CSMD1: variants seen among roughly 807,000 people sequenced by gnomAD.
CSMD1 encodes the protein CUB and sushi domain-containing protein 1.
CSMD1 carries 213 observed loss-of-function variants against 417.5 expected under a neutral mutation model. The ratio of observed to expected loss-of-function variants is 0.51; its 90% CI spans 0.46 to 0.57. The LOEUF is 0.57. Among genes scored for constraint, CSMD1 ranks in the 20% least tolerant of loss-of-function variants. The pLI, the probability that CSMD1 is intolerant of heterozygous loss-of-function variation, is 0.00. For missense variants in CSMD1, 6,923 were observed against 4,529.7 expected, an observed-to-expected ratio of 1.53 and a Z score of -15.17; for synonymous variants, 2,862 against 1,736.8, an observed-to-expected ratio of 1.65 and a Z score of -16.11.
intron 3 of CSMD1, among the ~76,000 whole-genome samples, chr8:4,041,586 G>A (rs1035209039): frequency 2.6e-5 from 4 of 151,952 alleles, no homozygotes; most frequent in African/African-American, 9.7e-5. Flanking sequence ...ACAGTCTCTG[G>A]CATCCAATCA....
At chr8:3,755,231 C>G (rs1797592085) in intron 5 of CSMD1, among the ~76,000 whole-genome samples, 1 of 152,184 alleles carries the variant, frequency 6.6e-6, no homozygotes, top group South Asian at 2.1e-4. Context: ...TGCGTGCTGG[C>G]TCGACTTTGT....
At chr8:4,159,640 G>C (rs1584931561) in intron 3 of CSMD1, among the ~76,000 whole-genome samples, 1 of 152,296 alleles carries the variant, frequency 6.6e-6, no homozygotes, top group East Asian at 1.9e-4. Context: ...CCAGGCTGGA[G>C]CACAGTGGCG....
At chr8:4,043,678 T>G (rs573825325) in intron 3 of CSMD1, among the ~76,000 whole-genome samples, 2 of 152,188 alleles carry the variant, frequency 1.3e-5, no homozygotes, top group Non-Finnish European at 2.9e-5. Flanking sequence ...AACCATACAT[T>G]TATTTCAGTG....
At chr8:3,771,969 A>G (rs577824767) in intron 5 of CSMD1, among the ~76,000 whole-genome samples, 351 of 152,110 alleles carry the variant, frequency 2.3e-3, no homozygotes, top group African/African-American at 8.2e-3. Context: ...TTCAGCAATT[A>G]CAGCATTTAT....
chr8:3,248,543 T>TTC, intron 26 of CSMD1, among the ~76,000 whole-genome samples: 1 of 146,036 alleles, frequency 6.8e-6, no homozygotes, highest in African/African-American at 2.5e-5. Flanking sequence ...TTTTTTTTTT[T>TTC]TTTTGAGACG....
intron 5 of CSMD1, among the ~76,000 whole-genome samples, chr8:3,830,308 C>A (rs1012915437): frequency 1.3e-5 from 2 of 152,182 alleles, no homozygotes; most frequent in Admixed American, 6.5e-5. Context: ...GCAAACTAAG[C>A]GTCAGCCTTC....
chr8:4,677,131 T>A (rs1324704132), intron 1 of CSMD1, among the ~76,000 whole-genome samples: 1 of 147,842 alleles, frequency 6.8e-6, no homozygotes, highest in African/African-American at 2.5e-5. Flanking sequence ...ATATATATGA[T>A]ACATAAAATA....
Position 3,029,446 on chromosome 8 carries a change from G to A in CSMD1, c.7728C>T (p.Ser2576=), listed in dbSNP as rs140788115. 6.2e-7 allele frequency: 1 copy of A among 1,609,356 alleles called. No individual in the cohort carries two copies. Among genetic ancestry groups the A allele is most frequent in the Non-Finnish European group, 8.5e-7 (1 of 1,178,072 alleles). Residue 2576 remains serine (S), a synonymous_variant, in exon 51 of 70, where the codon TCC becomes TCT. Transcript: ENST00000635120. Reference sequence around the variant, plus strand: ...ATACTTGAGCACCGTACTCATTCAAGGATCCTGAAACCAGCCTCCAGATGA... The same window carrying A: ...ATACTTGAGCACCGTACTCATTCAAAGATCCTGAAACCAGCCTCCAGATGA... ...EHVIWRLVSG[S]LNEYGAQVLL... is the part of the protein sequence containing the mutation.
intron 4 of CSMD1, among the ~76,000 whole-genome samples, chr8:4,002,599 C>G (rs1191196678): frequency 6.6e-6 from 1 of 152,154 alleles, no homozygotes; most frequent in Admixed American, 6.5e-5. Context: ...AACTTATCTT[C>G]CAGTTTAGCT....
intron 3 of CSMD1, among the ~76,000 whole-genome samples, chr8:4,301,215 A>C (rs755876294): frequency 2.0e-5 from 3 of 152,138 alleles, no homozygotes. Flanking sequence ...ACTTTTGGCT[A>C]GTTTGTCAAA....
At chr8:4,371,826 A>C (rs1234900731) in intron 3 of CSMD1, among the ~76,000 whole-genome samples, 1 of 152,196 alleles carries the variant, frequency 6.6e-6, no homozygotes, top group South Asian at 2.1e-4. Flanking sequence ...GTAGTGGAGG[A>C]ACAGGGTCAA....
chr8:4,072,924 C>T (rs141180370), intron 3 of CSMD1, among the ~76,000 whole-genome samples: 92 of 152,246 alleles, frequency 6.0e-4, no homozygotes, highest in Non-Finnish European at 1.1e-3. Context: ...TGGATATTAC[C>T]ACTTAGAACA....
At chr8:3,800,498 A>T (rs1800396018) in intron 5 of CSMD1, among the ~76,000 whole-genome samples, 1 of 152,162 alleles carries the variant, frequency 6.6e-6, no homozygotes, top group African/African-American at 2.4e-5. Context: ...TTGGATCCCT[A>T]CCTCACACCA....
chr8:3,387,874 G>T (rs1023057578), intron 17 of CSMD1, among the ~76,000 whole-genome samples, 192 bp from the exon 18 acceptor site: 1 of 152,148 alleles, frequency 6.6e-6, no homozygotes, highest in Admixed American at 6.5e-5. Context: ...TTAAAAGAGA[G>T]ATTTATATTG....
chr8:3,864,712 T>A (rs1322276568), intron 5 of CSMD1, among the ~76,000 whole-genome samples: 2 of 152,042 alleles, frequency 1.3e-5, no homozygotes, highest in African/African-American at 4.8e-5. Flanking sequence ...GTTGGAACAT[T>A]ATGGTAATTC....
At chr8:4,578,105 G>C (rs1799222344) in intron 2 of CSMD1, among the ~76,000 whole-genome samples, 1 of 152,088 alleles carries the variant, frequency 6.6e-6, no homozygotes, top group Non-Finnish European at 1.5e-5. Flanking sequence ...GCTGCTTCTA[G>C]CAATTTTAAT....
At chr8:4,913,225 C>A (rs888722995) in intron 1 of CSMD1, among the ~76,000 whole-genome samples, 3 of 152,136 alleles carry the variant, frequency 2.0e-5, no homozygotes, top group South Asian at 4.1e-4. Flanking sequence ...TAGGTACATC[C>A]CAAACTCCGT....
rs1412079094 is a variant in CSMD1, at chr8:4,266,148, C to CTACT, written c.415+153801_415+153804dup. Among the ~76,000 whole-genome samples, 2 of 104,552 alleles carry CTACT rather than the reference C, an allele frequency of 1.9e-5. 1 individual carries two copies. The highest frequency in any genetic ancestry group is 5.1e-5 in the Non-Finnish European group (2 of 38,996). The allele number at this position is 104,552 out of a possible 152,430, so 68.6% of individuals were successfully genotyped here. On this transcript the variant is annotated intron_variant, in intron 3 of 69. Transcript: ENST00000635120. The stretch of plus-strand genomic sequence containing the variant: ...ACTTAAAACCACCTTTTTACTTCAG[C>CTACT]TACTCATCTACCACCAAAAACCCAG...
At chr8:3,501,558 G>C (rs755660995) in intron 10 of CSMD1, among the ~76,000 whole-genome samples, 15 of 152,148 alleles carry the variant, frequency 9.9e-5, no homozygotes, top group Non-Finnish European at 1.5e-4. Context: ...CTGTAGGTTT[G>C]AAATTAATGG....
Sources: allele counts gnomAD v4.1 joint callset (sites outside exome capture counted in the v4.1 genomes callset), GRCh38; gene constraint gnomAD v4.1.1; transcripts MANE v1.5; gene names NCBI Gene and HGNC (gene_info 2026-07-23, HGNC 2026-07-21).